The following NPEPPS variants were observed in gnomAD, a reference collection of about 807,000 sequenced individuals.
NPEPPS encodes aminopeptidase puromycin sensitive, also known as puromycin-sensitive aminopeptidase.
In NPEPPS, 14 loss-of-function variants were observed where a neutral mutation model predicts 115.5. The observed-to-expected ratio is 0.12, with a 90% CI of 0.08 to 0.19. The LOEUF is 0.19. NPEPPS is among the 10% of genes least tolerant of loss of function. The probability of loss-of-function intolerance (pLI) is 1.00; values close to 1 mark genes in which losing one functional copy is unlikely to be tolerated. For missense variants in NPEPPS, 523 were observed against 1,110.8 expected (o/e 0.47, Z 7.52); for synonymous variants, 285 against 390.6 (o/e 0.73, Z 3.19).
chr17:47,622,186 CT>C lies in NPEPPS; in HGVS notation c.*269del. On this transcript the variant is annotated 3_prime_UTR_variant, in exon 23 of 23. Transcript: ENST00000322157. Reference sequence around the variant, plus strand: ...AATAGAGCATAACGAAACTGTGAAACTTTCTGAAGCCTTGTCAGTGGTTAAA... The same window carrying C: ...AATAGAGCATAACGAAACTGTGAAACTTCTGAAGCCTTGTCAGTGGTTAAA... 1 of 805,136 alleles carries C rather than the reference CT, an allele frequency of 1.2e-6. No homozygotes were observed. The highest frequency in any genetic ancestry group is 5.6e-5 in the East Asian group (1 of 17,922). 49.9% of individuals were successfully genotyped at this position (805,136 alleles called of 1,614,324 possible). A position where few individuals can be genotyped will look rare whatever the true frequency, so the allele number is the denominator to read the frequency against.
At chr17:47,585,148 G>A (rs1188159192) in intron 5 of NPEPPS, among the ~76,000 whole-genome samples, 2 of 152,138 alleles carry the variant, frequency 1.3e-5, no homozygotes, top group Admixed American at 1.3e-4. Flanking sequence ...TTTATTAATA[G>A]TCATTTTCTC....
At chr17:47,536,388 C>CTTTTTTT (rs749380530) in intron 1 of NPEPPS, among the ~76,000 whole-genome samples, 5 of 69,934 alleles carry the variant, frequency 7.1e-5, no homozygotes, top group Non-Finnish European at 1.5e-4. Context: ...TATTTTCTCT[C>CTTTTTTT]TTTTTTTTTT....
rs141058999 is a variant in NPEPPS, at chr17:47,553,054, A to G, written c.340+7061A>G. ...TATTTGTTTGTGTCATGTCTGTACTACTTTTCAATGGAATCTTAAGATCCT... is the reference window on the plus strand; with the variant it reads ...TATTTGTTTGTGTCATGTCTGTACTGCTTTTCAATGGAATCTTAAGATCCT... On this transcript the variant is annotated intron_variant, in intron 2 of 22. Coordinates refer to ENST00000322157, the MANE Select transcript of NPEPPS (RefSeq NM_006310.4). Among the ~76,000 whole-genome samples the G allele has an allele frequency of 2.6e-3, 391 of 152,152 alleles. 1 individual carries two copies. The highest frequency in any genetic ancestry group is 9.1e-3 in the African/African-American group (377 of 41,524).
chr17:47,553,794 A>G (rs1421285996), intron 2 of NPEPPS, among the ~76,000 whole-genome samples: 2 of 148,776 alleles, frequency 1.3e-5, no homozygotes, highest in Admixed American at 6.8e-5. Flanking sequence ...TCTGTCGCCC[A>G]GGCTGGAGTG....
chr17:47,591,201 G>A (rs1440062048), intron 10 of NPEPPS, among the ~76,000 whole-genome samples: 1 of 151,890 alleles, frequency 6.6e-6, no homozygotes. Context: ...GAGAAACCCC[G>A]TCTTTACTAA....
chr17:47,604,184 A>T, intron 16 of NPEPPS, 135 bp downstream of exon 16: 1 of 683,170 alleles, frequency 1.5e-6, no homozygotes, highest in Non-Finnish European at 2.3e-6. Flanking sequence ...ACTAGAGCAA[A>T]TCACTGTTTT....
chr17:47,556,909 C>T (rs113974311), intron 2 of NPEPPS, among the ~76,000 whole-genome samples: 3 of 152,084 alleles, frequency 2.0e-5, no homozygotes, highest in Non-Finnish European at 4.4e-5. Flanking sequence ...CCCAAAGTGC[C>T]GGGATTACAG....
At chr17:47,590,969 A>G (rs1424461230) in intron 10 of NPEPPS, 88 bp downstream of exon 10, 23 of 1,493,434 alleles carry the variant, frequency 1.5e-5, no homozygotes, top group Non-Finnish European at 1.9e-5. Context: ...TTGGACTTTG[A>G]AAATAAGAGA....
intron 3 of NPEPPS, among the ~76,000 whole-genome samples, chr17:47,574,631 C>A (rs1258140262): frequency 6.6e-6 from 1 of 152,060 alleles, no homozygotes; most frequent in African/African-American, 2.4e-5. Context: ...CTCTCTGTCA[C>A]CCAGGCTGGA....
intron 2 of NPEPPS, among the ~76,000 whole-genome samples, chr17:47,564,081 C>T (rs1252455091): frequency 7.2e-5 from 11 of 151,950 alleles, no homozygotes; most frequent in South Asian, 4.2e-4. Context: ...TACAGGCGCA[C>T]GCCACCATGC....
intron 19 of NPEPPS, 138 bp downstream of exon 19, chr17:47,613,863 G>A: frequency 1.7e-6 from 1 of 602,182 alleles, no homozygotes; most frequent in Middle Eastern, 4.5e-4. Context: ...TTTTAAAACT[G>A]TGAGAGAATT....
intron 2 of NPEPPS, among the ~76,000 whole-genome samples, chr17:47,558,574 C>G (rs370652779): frequency 6.6e-6 from 1 of 150,554 alleles, no homozygotes; most frequent in Non-Finnish European, 1.5e-5. Context: ...GGATTACATG[C>G]GCCTGCTACC....
intron 22 of NPEPPS, among the ~76,000 whole-genome samples, 154 bp from the exon 23 acceptor site, chr17:47,621,610 GTTGC>G (rs368459600): frequency 1.1e-4 from 16 of 152,276 alleles, no homozygotes; most frequent in African/African-American, 3.6e-4. Context: ...GGTCCAAGGA[GTTGC>G]TTGTTTTCTT....
intron 1 of NPEPPS, among the ~76,000 whole-genome samples, chr17:47,524,644 G>A (rs1907354130): frequency 6.8e-6 from 1 of 146,108 alleles, no homozygotes; most frequent in Admixed American, 7.0e-5. Context: ...ACAGGCACCT[G>A]CCACCACGCC....
At chr17:47,591,181 G>A (rs993813953) in intron 10 of NPEPPS, among the ~76,000 whole-genome samples, 2 of 152,086 alleles carry the variant, frequency 1.3e-5, no homozygotes, top group African/African-American at 4.8e-5. Flanking sequence ...AGACCAGCCT[G>A]ACCAATATGG....
chr17:47,619,936 G>C, intron 22 of NPEPPS, 152 bp downstream of exon 22: 2 of 615,294 alleles, frequency 3.3e-6, no homozygotes, highest in South Asian at 4.1e-5. Context: ...GCCATATTAA[G>C]AATTTCCTAA....
At chr17:47,594,968 C>T (rs554072366) in intron 12 of NPEPPS, among the ~76,000 whole-genome samples, 5 of 148,708 alleles carry the variant, frequency 3.4e-5, no homozygotes, top group Non-Finnish European at 6.0e-5. Flanking sequence ...CTTGCTCTGT[C>T]GCCCAGGCTG....
chr17:47,553,499 G>A (rs552292606), intron 2 of NPEPPS, among the ~76,000 whole-genome samples: 1 of 152,110 alleles, frequency 6.6e-6, no homozygotes, highest in Non-Finnish European at 1.5e-5. Flanking sequence ...GATAAATGGA[G>A]TAAGTCTGTC....
At chr17:47,615,568 TA>T (rs977795221) in intron 19 of NPEPPS, among the ~76,000 whole-genome samples, 1 of 152,056 alleles carries the variant, frequency 6.6e-6, no homozygotes, top group African/African-American at 2.4e-5. Context: ...AAAAAGACCC[TA>T]AAAAAAGTTA....
Sources: allele counts gnomAD v4.1 joint callset (sites outside exome capture counted in the v4.1 genomes callset), GRCh38; gene constraint gnomAD v4.1.1; transcripts MANE v1.5; gene names NCBI Gene and HGNC (gene_info 2026-07-23, HGNC 2026-07-21).